The following ADAM18 variants were observed in gnomAD, a reference collection of about 807,000 sequenced individuals.
The protein encoded by ADAM18 is disintegrin and metalloproteinase domain-containing protein 18.
Under a neutral mutation model 94.4 loss-of-function variants are expected in ADAM18, and 117 were observed. The ratio of observed to expected loss-of-function variants is 1.24; its 90% CI spans 1.07 to 1.45. ADAM18 has a LOEUF of 1.45. Ranked by LOEUF, ADAM18 falls within the 40% of genes most tolerant of loss-of-function variation. The pLI is 0.00. For missense variants in ADAM18, 936 were observed against 880.0 expected, an observed-to-expected ratio of 1.06 and a Z score of -0.81; for synonymous variants, 327 against 291.6, an observed-to-expected ratio of 1.12 and a Z score of -1.24.
At chr8:39,666,006 T>C (rs1178654898) in intron 13 of ADAM18, among the ~76,000 whole-genome samples, 4 of 152,152 alleles carry the variant, frequency 2.6e-5, no homozygotes, top group African/African-American at 7.2e-5. Flanking sequence ...TTTCTTGTCA[T>C]TTATGTCCTC....
intron 10 of ADAM18, among the ~76,000 whole-genome samples, chr8:39,643,125 A>G (rs1010667312): frequency 2.6e-5 from 4 of 152,074 alleles, no homozygotes; most frequent in African/African-American, 9.7e-5. Context: ...ATTTTTGCAT[A>G]TGATTTTGTA....
At chr8:39,606,733 A>G (rs1819098256) in intron 3 of ADAM18, among the ~76,000 whole-genome samples, 1 of 152,136 alleles carries the variant, frequency 6.6e-6, no homozygotes, top group Non-Finnish European at 1.5e-5. Flanking sequence ...TGTGTGAGCA[A>G]TAAAGCTTTT....
chr8:39,647,270 T>C (rs890043391), intron 11 of ADAM18, among the ~76,000 whole-genome samples: 21 of 150,312 alleles, frequency 1.4e-4, no homozygotes, highest in African/African-American at 4.9e-4. Context: ...AAAGAATCTA[T>C]GTCATAATTA....
chr8:39,689,923 C>T (rs1030308834), intron 16 of ADAM18, among the ~76,000 whole-genome samples: 20 of 152,032 alleles, frequency 1.3e-4, no homozygotes, highest in Non-Finnish European at 1.8e-4. Context: ...CTCCCTAGTT[C>T]GCTGTATTCC....
chr8:39,637,417 C>T (rs1448287203), intron 8 of ADAM18, 82 bp downstream of exon 8: 1 of 1,429,626 alleles, frequency 7.0e-7, no homozygotes, highest in Non-Finnish European at 9.5e-7. Context: ...CAATGAATAA[C>T]TTAAATACTT....
rs759549713 is a variant in ADAM18, at chr8:39,692,650, T to C, written c.1872T>C (p.Cys624=). ...AAGTTCATTTAATGGGATATAACTG[T>C]AATGCCACCACAAAATGCAAAGGGA... ...CRKVHLMGYN[C]NATTKCKGKG... is the part of the protein sequence containing the mutation. The change falls in exon 17 of 20, where the codon TGT becomes TGC. Residue 624 remains cysteine, a synonymous_variant. Coordinates refer to ENST00000265707, the MANE Select transcript of ADAM18 (RefSeq NM_014237.3). 5 of 1,607,970 alleles carry C rather than the reference T, an allele frequency of 3.1e-6. No individual in the cohort carries two copies. Among genetic ancestry groups the C allele is most frequent in the South Asian group, 1.1e-5 (1 of 90,398 alleles).
intron 6 of ADAM18, chr8:39,611,616 G>A (rs191054187): frequency 3.1e-6 from 3 of 982,398 alleles, no homozygotes; most frequent in African/African-American, 1.7e-5. Flanking sequence ...GCTGGAAACA[G>A]CATTGCTTCC....
intron 6 of ADAM18, among the ~76,000 whole-genome samples, chr8:39,624,585 C>T (rs1304965651): frequency 1.3e-5 from 2 of 152,158 alleles, no homozygotes; most frequent in African/African-American, 4.8e-5. Flanking sequence ...CATGTAGCGT[C>T]TCCAGATATG....
Position 39,648,347 on chromosome 8 carries a change from T to C in ADAM18, c.1050T>C (p.Ser350=). The part of the protein sequence containing the change: ...ATCIMNHEAV[S]ASGRKIFSNC... ...GAGGAATATTATTTTATTTTAGGAG[T>C]GCCAGTGGTAGAAAGATTTTTAGCA... Residue 350 remains serine, a synonymous_variant, in exon 12 of 20, where the codon AGT becomes AGC. Transcript: ENST00000265707. 1 of 1,586,824 alleles carries C rather than the reference T, an allele frequency of 6.3e-7. No homozygotes were observed. Among genetic ancestry groups the C allele is most frequent in the East Asian group, 2.3e-5 (1 of 44,380 alleles).
intron 2 of ADAM18, among the ~76,000 whole-genome samples, chr8:39,585,704 A>G (rs1411485309): frequency 6.6e-6 from 1 of 152,258 alleles, no homozygotes; most frequent in Non-Finnish European, 1.5e-5. Context: ...GAAATTTGTC[A>G]TAAGTAAAAT....
At chr8:39,686,282 G>A (rs1419286795) in intron 16 of ADAM18, among the ~76,000 whole-genome samples, 1 of 152,150 alleles carries the variant, frequency 6.6e-6, no homozygotes, top group Non-Finnish European at 1.5e-5. Flanking sequence ...TGAAATAGCT[G>A]AGATTGGGTA....
At chr8:39,607,190 A>G (rs1301602366) in intron 3 of ADAM18, among the ~76,000 whole-genome samples, 3 of 152,214 alleles carry the variant, frequency 2.0e-5, no homozygotes, top group African/African-American at 4.8e-5. Flanking sequence ...CACTGTTGCC[A>G]CCATCAAATA....
At chr8:39,687,118 C>G (rs1821627737) in intron 16 of ADAM18, among the ~76,000 whole-genome samples, 1 of 152,078 alleles carries the variant, frequency 6.6e-6, no homozygotes, top group Non-Finnish European at 1.5e-5. Context: ...TAATATAAAG[C>G]TATTTTTCAC....
intron 18 of ADAM18, among the ~76,000 whole-genome samples, chr8:39,720,822 T>C (rs567866886): frequency 4.0e-4 from 60 of 151,438 alleles, no homozygotes; most frequent in African/African-American, 1.4e-3. Context: ...ACTGGAAATA[T>C]TTACTAATGT....
chr8:39,710,354 G>A (rs750900733), intron 18 of ADAM18, among the ~76,000 whole-genome samples: 2 of 152,090 alleles, frequency 1.3e-5, no homozygotes, highest in Non-Finnish European at 2.9e-5. Flanking sequence ...TATTTTTCTT[G>A]TATATACTTA....
At chr8:39,619,134 T>C (rs1464517046) in intron 6 of ADAM18, among the ~76,000 whole-genome samples, 1 of 152,150 alleles carries the variant, frequency 6.6e-6, no homozygotes, top group African/African-American at 2.4e-5. Flanking sequence ...ATCACAAATA[T>C]CTTTGCACCC....
At chr8:39,597,158 G>T (rs13248954) in intron 2 of ADAM18, among the ~76,000 whole-genome samples, 36,692 of 151,994 alleles carry the variant, frequency 0.24, 4,706 homozygotes, top group East Asian at 0.48. Flanking sequence ...AGTTTTAGGA[G>T]TTGTTTAGAT....
At chr8:39,695,440 T>A (rs1191128372) in intron 17 of ADAM18, among the ~76,000 whole-genome samples, 1 of 151,558 alleles carries the variant, frequency 6.6e-6, no homozygotes, top group Non-Finnish European at 1.5e-5. Context: ...TTCTAATTAT[T>A]TAGTGGTAAC....
At chr8:39,663,598 C>CA (rs10597769) in intron 12 of ADAM18, among the ~76,000 whole-genome samples, 197 bp from the exon 13 acceptor site, 1,391 of 19,588 alleles carry the variant, frequency 0.071, 239 homozygotes, top group African/African-American at 0.13. Context: ...AATCCTGTCT[C>CA]AAAAAAAAAA....
Sources: gnomAD v4.1 joint callset for allele counts (sites outside exome capture counted in the v4.1 genomes callset) on GRCh38, gnomAD v4.1.1 for gene constraint, MANE v1.5 for transcripts, NCBI Gene and HGNC (gene_info 2026-07-23, HGNC 2026-07-21) for gene names.